FHIT: variants seen among roughly 807,000 people sequenced by gnomAD.
The protein encoded by FHIT is bis(5'-adenosyl)-triphosphatase.
Under a neutral mutation model 17.9 loss-of-function variants are expected in FHIT, and 19 were observed. The observed-to-expected ratio is 1.06, with a 90% confidence interval of 0.74 to 1.56. The LOEUF is 1.56. FHIT is among the 40% of genes most tolerant of loss of function. The pLI, the probability that FHIT is intolerant of heterozygous loss-of-function variation, is 0.00. For synonymous variants in FHIT, 81 were observed against 69.7 expected (o/e 1.16, Z -0.81); for missense variants, 248 against 189.2 (o/e 1.31, Z -1.82).
chr3:61,194,454 C>T (rs893407961), intron 2 of FHIT, among the ~76,000 whole-genome samples: 2 of 151,974 alleles, frequency 1.3e-5, no homozygotes, highest in African/African-American at 2.4e-5. Flanking sequence ...ATTTTCCTTC[C>T]TGCAAATCCT....
At chr3:60,562,499 T>A (rs1377892911) in intron 4 of FHIT, among the ~76,000 whole-genome samples, 1 of 152,126 alleles carries the variant, frequency 6.6e-6, no homozygotes, top group African/African-American at 2.4e-5. Flanking sequence ...TTTGTCAGGG[T>A]GGCCAGCTTT....
intron 5 of FHIT, among the ~76,000 whole-genome samples, chr3:60,189,795 T>A (rs1199365208): frequency 6.6e-6 from 1 of 152,238 alleles, no homozygotes; most frequent in Non-Finnish European, 1.5e-5. Flanking sequence ...CTGAAAAAGT[T>A]GTTCTGATGA....
chr3:60,128,032 T>C (rs1705638193), intron 5 of FHIT, among the ~76,000 whole-genome samples: 2 of 152,226 alleles, frequency 1.3e-5, no homozygotes, highest in African/African-American at 4.8e-5. Flanking sequence ...TGCATGTATA[T>C]GCATGGATAT....
chr3:60,315,577 G>T (rs1709128423), intron 5 of FHIT, among the ~76,000 whole-genome samples: 1 of 152,176 alleles, frequency 6.6e-6, no homozygotes, highest in Non-Finnish European at 1.5e-5. Flanking sequence ...AGCTTCTTCC[G>T]TTCAACATAC....
rs544726948 is a variant in FHIT at position 61,206,803 on chromosome 3, C to T, written c.-212-6138G>A. The stretch of plus-strand genomic sequence containing the variant: ...ACTTCCTCTTTTCCTAATTCAATAC[C>T]CTTTATTTTCTTCTCCTGCCTGATT... On this transcript the variant is annotated intron_variant, in intron 1 of 9. Coordinates refer to ENST00000492590, the MANE Select transcript of FHIT (RefSeq NM_002012.4). 5.3e-5 allele frequency among the ~76,000 whole-genome samples: 8 copies of T among 152,190 alleles called. 1 individual carries two copies. The South Asian group carries it at 1.0e-3, about 20-fold the overall frequency.
At chr3:60,068,224 G>T (rs1044174899) in intron 5 of FHIT, among the ~76,000 whole-genome samples, 1 of 152,090 alleles carries the variant, frequency 6.6e-6, no homozygotes, top group Non-Finnish European at 1.5e-5. Context: ...AACAGAGCGA[G>T]ACTCTGCCTC....
intron 2 of FHIT, among the ~76,000 whole-genome samples, chr3:61,043,422 G>C (rs975084750): frequency 2.0e-5 from 3 of 152,278 alleles, no homozygotes; most frequent in Middle Eastern, 3.4e-3. Context: ...AGTGAGGCTG[G>C]GGGAGGGGCA....
intron 2 of FHIT, among the ~76,000 whole-genome samples, chr3:61,130,048 G>C (rs72877894): frequency 0.016 from 2,508 of 152,308 alleles, 57 homozygotes; most frequent in African/African-American, 0.056. Flanking sequence ...CTGTGTGCTA[G>C]AGGTGCCACA....
intron 5 of FHIT, among the ~76,000 whole-genome samples, chr3:60,137,852 CATCTACACATAAGAGACCCTAAATGAAT>C (rs1182173328): frequency 6.6e-6 from 1 of 150,848 alleles, no homozygotes; most frequent in African/African-American, 2.4e-5. Context: ...ATTTAAGCAA[CATCTACACATAAGAGACCCTAAATGAAT>C]ATCCGTTGAA....
intron 8 of FHIT, among the ~76,000 whole-genome samples, chr3:59,870,490 A>G (rs868796658): frequency 6.6e-6 from 1 of 152,220 alleles, no homozygotes. Context: ...AAGGTATCTC[A>G]TAAGGACAAG....
At position 60,122,825 on chromosome 3, in the gene FHIT, A is replaced by C. The variant is rs966813438; in HGVS notation, c.104-108673T>G. On this transcript the variant is annotated intron_variant, in intron 5 of 9. Coordinates refer to ENST00000492590, the MANE Select transcript of FHIT (RefSeq NM_002012.4). ...AATGTTAGTTAAACTTTAAAGATTA[A>C]ATTACAAATTTACTCAAGTGATTTT... Among the ~76,000 whole-genome samples, 37 of 152,216 alleles carry C rather than the reference A, an allele frequency of 2.4e-4. 1 individual carries two copies. Among genetic ancestry groups the C allele is most frequent in the African/African-American group, 8.7e-4 (36 of 41,450 alleles).
chr3:61,009,205 C>T (rs1004278903), intron 3 of FHIT, among the ~76,000 whole-genome samples: 4 of 152,250 alleles, frequency 2.6e-5, no homozygotes, highest in Middle Eastern at 6.8e-3. Context: ...TTCAAAACAA[C>T]GGCTGACACT....
intron 5 of FHIT, among the ~76,000 whole-genome samples, chr3:60,267,169 T>C (rs1489912419): frequency 1.3e-5 from 2 of 151,668 alleles, no homozygotes; most frequent in Admixed American, 6.6e-5. Flanking sequence ...ATGTAAAAAA[T>C]AAAAAAGTAT....
intron 4 of FHIT, among the ~76,000 whole-genome samples, chr3:60,713,333 C>T (rs2041592160): frequency 6.6e-6 from 1 of 150,480 alleles, no homozygotes; most frequent in Non-Finnish European, 1.5e-5. Flanking sequence ...CAGGAAAGAT[C>T]CAAAATTGAC....
chr3:59,783,992 A>C (rs1184079503), intron 8 of FHIT, among the ~76,000 whole-genome samples: 1 of 152,190 alleles, frequency 6.6e-6, no homozygotes, highest in Non-Finnish European at 1.5e-5. Context: ...GCTGGGGAGG[A>C]GAGTGGGGAC....
chr3:60,940,419 T>C (rs1708362204), intron 3 of FHIT, among the ~76,000 whole-genome samples: 1 of 152,174 alleles, frequency 6.6e-6, no homozygotes, highest in African/African-American at 2.4e-5. Flanking sequence ...TGAGCTTCTG[T>C]ACCCCAAGTT....
intron 5 of FHIT, among the ~76,000 whole-genome samples, chr3:60,224,537 T>A (rs1057111907): frequency 6.6e-6 from 1 of 151,972 alleles, no homozygotes; most frequent in African/African-American, 2.4e-5. Context: ...TCCTAAGCCA[T>A]CCATGAGGGT....
At chr3:60,520,746 G>A (rs1057108185) in intron 5 of FHIT, among the ~76,000 whole-genome samples, 1 of 152,094 alleles carries the variant, frequency 6.6e-6, no homozygotes, top group Non-Finnish European at 1.5e-5. Flanking sequence ...GACACTTAGA[G>A]TAACTCCCAT....
chr3:59,790,122 C>CT (rs576342144), intron 8 of FHIT, among the ~76,000 whole-genome samples: 124 of 152,290 alleles, frequency 8.1e-4, no homozygotes, highest in Non-Finnish European at 1.5e-3. Flanking sequence ...AAAATGGGAA[C>CT]TTTTTGTGAC....
Sources: allele counts gnomAD v4.1 joint callset (sites outside exome capture counted in the v4.1 genomes callset), GRCh38; gene constraint gnomAD v4.1.1; transcripts MANE v1.5; gene names NCBI Gene and HGNC (gene_info 2026-07-23, HGNC 2026-07-21).